The following MTUS1 variants were observed in gnomAD, a reference collection of about 807,000 sequenced individuals.
MTUS1 encodes the protein microtubule-associated tumor suppressor 1.
MTUS1 carries 109 observed loss-of-function variants against 120.8 expected under a neutral mutation model. That is an observed-to-expected ratio of 0.90 (90% CI 0.77 to 1.06). The LOEUF (loss-of-function observed/expected upper bound fraction) is 1.06. Among genes scored for constraint, MTUS1 ranks in the 50% least tolerant of loss-of-function variants. The probability of loss-of-function intolerance (pLI) is 0.00; values close to 1 mark genes in which losing one functional copy is unlikely to be tolerated. For missense variants in MTUS1, 2,210 were observed against 1,486.3 expected (o/e 1.49, Z -8.01); for synonymous variants, 737 against 550.5 (o/e 1.34, Z -4.74).
chr8:17,693,555 T>C (rs897295854), intron 6 of MTUS1, among the ~76,000 whole-genome samples: 1 of 152,182 alleles, frequency 6.6e-6, no homozygotes, highest in Admixed American at 6.5e-5. Flanking sequence ...TACAACTCCT[T>C]TGTTTCCTTG....
intron 3 of MTUS1, among the ~76,000 whole-genome samples, chr8:17,729,827 T>G (rs1473997494): frequency 1.3e-5 from 2 of 151,248 alleles, no homozygotes; most frequent in East Asian, 3.9e-4. Context: ...AAAACCCAAT[T>G]TAAAAACTGG....
At position 17,654,675 on chromosome 8, in the gene MTUS1, A is replaced by G; in HGVS notation, c.3109-9T>C. Reference sequence around the variant, plus strand: ...GCATTTAAGTTGTCAAACTGTAAGCAACAAACAAAACCGTGGTTTAACAGT... The same window carrying G: ...GCATTTAAGTTGTCAAACTGTAAGCGACAAACAAAACCGTGGTTTAACAGT... On this transcript the variant is annotated splice_polypyrimidine_tract_variant and intron_variant, in intron 9 of 14. Transcript: ENST00000693296. 6.2e-7 allele frequency: 1 copy of G among 1,602,140 alleles called. No individual in the cohort carries two copies. Among genetic ancestry groups the G allele is most frequent in the Non-Finnish European group, 8.6e-7 (1 of 1,168,982 alleles).
At chr8:17,683,037 C>T (rs764977980) in intron 7 of MTUS1, among the ~76,000 whole-genome samples, 2 of 152,192 alleles carry the variant, frequency 1.3e-5, no homozygotes, top group Non-Finnish European at 2.9e-5. Context: ...CTTTGGGAGG[C>T]CGAGGCAGAC....
intron 1 of MTUS1, among the ~76,000 whole-genome samples, chr8:17,789,244 T>G (rs540460566): frequency 1.3e-5 from 2 of 152,160 alleles, no homozygotes; most frequent in Admixed American, 1.3e-4. Flanking sequence ...TTGGTCAGGC[T>G]GGTCTCCAAC....
intron 1 of MTUS1, among the ~76,000 whole-genome samples, chr8:17,798,612 G>A (rs988031818): frequency 2.6e-4 from 39 of 152,284 alleles, no homozygotes; most frequent in African/African-American, 7.9e-4. Context: ...GATTAGAGGC[G>A]TGAGCCACCG....
At chr8:17,668,206 A>G (rs1811296021) in intron 8 of MTUS1, among the ~76,000 whole-genome samples, 1 of 144,222 alleles carries the variant, frequency 6.9e-6, no homozygotes, top group Admixed American at 7.6e-5. Flanking sequence ...TTAGAACATT[A>G]TGAGATGTGT....
At chr8:17,730,783 A>T (rs1048871731) in intron 3 of MTUS1, among the ~76,000 whole-genome samples, 1 of 152,210 alleles carries the variant, frequency 6.6e-6, no homozygotes, top group Non-Finnish European at 1.5e-5. Flanking sequence ...ATGCATATAG[A>T]CAGAACATAG....
In MTUS1 at chr8:17,755,236, G is replaced by C. The variant is rs756639668; in HGVS notation, c.572C>G (p.Pro191Arg). ...SQSFHTAGSL[P>R]PTGRRSGSTS... ...ACTTCCACTTCTCCTACCAGTTGGT[G>C]GCAGGCTTCCAGCAGTATGGAAGGA... The change falls in exon 2 of 15, where the codon CCA (proline) becomes CGA (arginine). Residue 191 changes from proline (P) to arginine (R), a missense_variant. Transcript: ENST00000693296. 1.9e-6 allele frequency: 3 copies of C among 1,614,186 alleles called. No individual in the cohort carries two copies. Among genetic ancestry groups the C allele is most frequent in the Non-Finnish European group, 2.5e-6 (3 of 1,180,016 alleles).
chr8:17,793,113 A>G (rs2051933784), intron 1 of MTUS1, among the ~76,000 whole-genome samples: 1 of 152,248 alleles, frequency 6.6e-6, no homozygotes, highest in Non-Finnish European at 1.5e-5. Context: ...GTCCCTAGTC[A>G]AAAGAAATTG....
At chr8:17,706,634 T>A (rs1820224040) in intron 6 of MTUS1, among the ~76,000 whole-genome samples, 1 of 152,174 alleles carries the variant, frequency 6.6e-6, no homozygotes, top group African/African-American at 2.4e-5. Context: ...GCTATTTGAG[T>A]GAAGTGACTG....
intron 8 of MTUS1, among the ~76,000 whole-genome samples, chr8:17,663,216 C>G (rs1173888789): frequency 2.0e-5 from 3 of 152,216 alleles, no homozygotes; most frequent in Non-Finnish European, 4.4e-5. Context: ...CCCTGCAGAA[C>G]TGGAGTGGAG....
chr8:17,769,493 G>T (rs888345324), intron 1 of MTUS1, among the ~76,000 whole-genome samples: 5 of 150,600 alleles, frequency 3.3e-5, no homozygotes, highest in Non-Finnish European at 7.4e-5. Flanking sequence ...GACTACAGGC[G>T]CCCGCCACCA....
rs117281386 is a variant in MTUS1 at position 17,680,007 on chromosome 8, T to C, written c.2838+4321A>G. Among the ~76,000 whole-genome samples, 357 of 152,300 alleles carry C rather than the reference T, an allele frequency of 2.3e-3. 1 individual carries two copies. Among genetic ancestry groups the C allele is most frequent in the Non-Finnish European group, 2.5e-3 (171 of 68,030 alleles). ...CTGGGGTGGTTTCATAAGAAAGAAC[T>C]AGATGCAGATCCTGCCTTCAGTAAA... On this transcript the variant is annotated intron_variant, in intron 7 of 14. Coordinates refer to ENST00000693296, the MANE Select transcript of MTUS1 (RefSeq NM_001363059.2).
intron 12 of MTUS1, among the ~76,000 whole-genome samples, chr8:17,651,202 G>A (rs1328774290): frequency 5.3e-5 from 8 of 152,054 alleles, no homozygotes; most frequent in African/African-American, 1.9e-4. Flanking sequence ...GGGAGGTGGG[G>A]TGGGGTGGGA....
rs1311574589 is a variant in MTUS1 at position 17,753,885 on chromosome 8, G to C, written c.1923C>G (p.Leu641=). 1.2e-6 allele frequency: 2 copies of C among 1,614,120 alleles called. No homozygotes were observed. The highest frequency in any genetic ancestry group is 2.7e-5 in the African/African-American group (2 of 75,014). The stretch of plus-strand genomic sequence containing the variant: ...ATTCTGCACTTTCCATTTTAACAGG[G>C]AGTATGCCTTTGATCTTCTGAAACA... The part of the protein sequence containing the change: ...SALFQKIKGI[L]PVKMESAECL... The change falls in exon 2 of 15, where the codon CTC becomes CTG. Residue 641 remains leucine (L), a synonymous_variant. Transcript: ENST00000693296.
rs1349073017 is a variant in MTUS1, at chr8:17,754,416, T to C, written c.1392A>G (p.Ile464Met). The change falls in exon 2 of 15, where the codon ATA becomes ATG. Residue 464 changes from isoleucine to methionine, a missense_variant. By Grantham distance (10) the Ile-to-Met change is conservative. Coordinates refer to ENST00000693296, the MANE Select transcript of MTUS1 (RefSeq NM_001363059.2). ...TCACAGGTGCCTCCTTCGAGTCTGG[T>C]ATGTTTTTAAGCCCTCGATTACCCT... is the stretch of plus-strand genomic sequence containing the variant. ...VEKGNRGLKN[I>M]PDSKEAPVNL... 1 of 1,614,212 alleles carries C rather than the reference T, an allele frequency of 6.2e-7. No homozygotes were observed.
chr8:17,665,545 G>A (rs925034530), intron 8 of MTUS1, among the ~76,000 whole-genome samples: 1 of 152,148 alleles, frequency 6.6e-6, no homozygotes, highest in Non-Finnish European at 1.5e-5. Flanking sequence ...GTTTTGAGTA[G>A]ATATGGGGTT....
intron 6 of MTUS1, among the ~76,000 whole-genome samples, chr8:17,694,516 A>C (rs1040981235): frequency 2.6e-4 from 39 of 151,968 alleles, no homozygotes; most frequent in African/African-American, 9.4e-4. Context: ...AAATACAAAG[A>C]AATTAGCCGG....
At chr8:17,650,541 T>C (rs1806759912) in intron 12 of MTUS1, among the ~76,000 whole-genome samples, 1 of 152,116 alleles carries the variant, frequency 6.6e-6, no homozygotes, top group Non-Finnish European at 1.5e-5. Flanking sequence ...CTATTTAAAT[T>C]TCTCTCCAAA....
Sources: allele counts gnomAD v4.1 joint callset (sites outside exome capture counted in the v4.1 genomes callset), GRCh38; gene constraint gnomAD v4.1.1; transcripts MANE v1.5; gene names NCBI Gene and HGNC (gene_info 2026-07-23, HGNC 2026-07-21).